The following BFSP2 variants were observed in gnomAD, a reference collection of about 807,000 sequenced individuals.
The protein encoded by BFSP2 is phakinin.
A neutral mutation model predicts 44.9 loss-of-function variants in BFSP2; 38 were observed. That is an observed-to-expected ratio of 0.85 (90% CI 0.65 to 1.11). BFSP2 has a LOEUF of 1.11. Among genes scored for constraint, BFSP2 ranks in the 50% least tolerant of loss-of-function variants. The pLI is 0.00. For missense variants in BFSP2, 525 were observed against 533.0 expected, an observed-to-expected ratio of 0.99 and a Z score of 0.15; for synonymous variants, 197 against 209.9, an observed-to-expected ratio of 0.94 and a Z score of 0.53.
At chr3:133,455,950 C>G (rs2074009326) in intron 4 of BFSP2, among the ~76,000 whole-genome samples, 1 of 152,240 alleles carries the variant, frequency 6.6e-6, no homozygotes, top group Admixed American at 6.5e-5. Flanking sequence ...CATTCAATTT[C>G]CATTTGCCCA....
At chr3:133,425,307 G>A (rs917321944) in intron 1 of BFSP2, among the ~76,000 whole-genome samples, 2 of 152,182 alleles carry the variant, frequency 1.3e-5, no homozygotes, top group African/African-American at 4.8e-5. Context: ...CCACACACTG[G>A]TCCATCCCTG....
rs1245537332 is a variant in BFSP2 at position 133,425,852 on chromosome 3, AGGAAG to A, written c.490-21450_490-21446del. Among the ~76,000 whole-genome samples, 10 of 95,654 alleles carry A rather than the reference AGGAAG, an allele frequency of 1.0e-4. No homozygotes were observed. The South Asian group carries it at 1.3e-3, about 13-fold the overall frequency. The allele number at this position is 95,654 out of a possible 152,430, so 62.8% of individuals were successfully genotyped here. ...AAGGGAAGGGAAATAAAGAAGGGAA[AGGAAG>A]GGAAGGGAAGGGAAATAAAGAAGGG... is the stretch of plus-strand genomic sequence containing the variant. On this transcript the variant is annotated intron_variant, in intron 1 of 6. Transcript: ENST00000302334.
At chr3:133,474,425 G>A (rs1053033108) in intron 6 of BFSP2, among the ~76,000 whole-genome samples, 1 of 152,206 alleles carries the variant, frequency 6.6e-6, no homozygotes, top group Non-Finnish European at 1.5e-5. Context: ...TTCAGAAGGC[G>A]GGAGAGCCTC....
chr3:133,414,741 T>C (rs114051217), intron 1 of BFSP2, among the ~76,000 whole-genome samples: 712 of 2,628 alleles, frequency 0.27, 19 homozygotes, highest in Middle Eastern at 0.33. Flanking sequence ...CCCCTGCCAT[T>C]TCCCCTCTAC....
At chr3:133,465,887 T>G (rs73861104) in intron 4 of BFSP2, among the ~76,000 whole-genome samples, 1 of 152,306 alleles carries the variant, frequency 6.6e-6, no homozygotes, top group South Asian at 2.1e-4. Context: ...AAATAAGGGA[T>G]CAAAGCTTTT....
rs143424215 is a variant in BFSP2, at chr3:133,463,869, C to G, written c.892-2959C>G. ...GGTGCCTCTCCCGCCCTGTTCATGT[C>G]TGACTGGCTACCTATTAGCTACCTC... On this transcript the variant is annotated intron_variant, in intron 4 of 6. Coordinates refer to ENST00000302334, the MANE Select transcript of BFSP2 (RefSeq NM_003571.4). Among the ~76,000 whole-genome samples the G allele has an allele frequency of 3.7e-4, 56 of 152,326 alleles. 1 individual carries two copies. In the East Asian group the frequency reaches 0.01, roughly 28 times the overall value.
intron 1 of BFSP2, chr3:133,445,448 G>A (rs1348031163): frequency 2.0e-5 from 3 of 152,330 alleles, no homozygotes; most frequent in African/African-American, 7.2e-5. Flanking sequence ...GAGCTGAAAA[G>A]TGCATTTCTC....
chr3:133,442,141 G>A (rs1311873624), intron 1 of BFSP2, among the ~76,000 whole-genome samples: 2 of 151,888 alleles, frequency 1.3e-5, no homozygotes, highest in Non-Finnish European at 2.9e-5. Flanking sequence ...TTTGTGTGTT[G>A]TTTTTGTTCT....
chr3:133,439,582 G>C (rs1246002028), intron 1 of BFSP2, among the ~76,000 whole-genome samples: 3 of 152,256 alleles, frequency 2.0e-5, no homozygotes, highest in Admixed American at 6.5e-5. Flanking sequence ...GGGTTTGAAG[G>C]ATGGATAGGA....
At chr3:133,440,509 G>T (rs1469266365) in intron 1 of BFSP2, among the ~76,000 whole-genome samples, 1 of 151,920 alleles carries the variant, frequency 6.6e-6, no homozygotes, top group Admixed American at 6.6e-5. Flanking sequence ...TAAATGGTAG[G>T]GTTTAAACCC....
intron 1 of BFSP2, among the ~76,000 whole-genome samples, chr3:133,445,907 A>C (rs1421558255): frequency 6.6e-6 from 1 of 152,184 alleles, no homozygotes; most frequent in Non-Finnish European, 1.5e-5. Context: ...TTACCTTAAA[A>C]GAAGGATATA....
chr3:133,411,953 T>G (rs755991942), intron 1 of BFSP2, among the ~76,000 whole-genome samples: 1 of 152,192 alleles, frequency 6.6e-6, no homozygotes, highest in Non-Finnish European at 1.5e-5. Context: ...TTAAAAAATA[T>G]ATTAGACACG....
intron 1 of BFSP2, among the ~76,000 whole-genome samples, chr3:133,436,385 T>G (rs963707200): frequency 1.3e-5 from 2 of 151,200 alleles, no homozygotes; most frequent in African/African-American, 4.9e-5. Context: ...TTTTTTTCCA[T>G]GAATTTATTG....
At chr3:133,459,489 T>G (rs2074042722) in intron 4 of BFSP2, among the ~76,000 whole-genome samples, 1 of 152,216 alleles carries the variant, frequency 6.6e-6, no homozygotes, top group Non-Finnish European at 1.5e-5. Context: ...TGTGTTTTGT[T>G]TGGCAGCTCC....
chr3:133,403,785 T>C (rs618971), intron 1 of BFSP2, among the ~76,000 whole-genome samples: 147,898 of 152,202 alleles, frequency 0.97, 71,896 homozygotes, highest in East Asian at 0.99. Flanking sequence ...GGAGTGGGGG[T>C]CCCCTGTCCC....
At chr3:133,459,814 T>A (rs2074045708) in intron 4 of BFSP2, among the ~76,000 whole-genome samples, 1 of 152,248 alleles carries the variant, frequency 6.6e-6, no homozygotes, top group Non-Finnish European at 1.5e-5. Context: ...GTAAAATGAC[T>A]TACAACTGTT....
intron 1 of BFSP2, chr3:133,410,178 T>C (rs568027557): frequency 5.2e-5 from 10 of 191,318 alleles, no homozygotes; most frequent in Non-Finnish European, 1.1e-4. Context: ...CCAAGGCTTA[T>C]TGCAGTTTCC....
rs142182041 is a variant in BFSP2, at chr3:133,411,515, C to T, written c.489+10943C>T. Among the ~76,000 whole-genome samples, 976 of 152,220 alleles carry T rather than the reference C, an allele frequency of 6.4e-3. 6 individuals carry two copies. Among genetic ancestry groups the T allele is most frequent in the Middle Eastern group, 0.01 (3 of 294 alleles). On this transcript the variant is annotated intron_variant, in intron 1 of 6. Transcript: ENST00000302334. ...TCTCCTGGTGGAGTACACATCACCA[C>T]CTATGAAGTAGTCTTGCAAACAAAC... is the stretch of plus-strand genomic sequence containing the variant.
At chr3:133,426,298 G>A (rs75639413) in intron 1 of BFSP2, among the ~76,000 whole-genome samples, 13 of 151,998 alleles carry the variant, frequency 8.6e-5, no homozygotes, top group South Asian at 4.2e-4. Flanking sequence ...CCCTGCTGAC[G>A]TGCCTGTCAA....
Sources: gnomAD v4.1 joint callset for allele counts (sites outside exome capture counted in the v4.1 genomes callset) on GRCh38, gnomAD v4.1.1 for gene constraint, MANE v1.5 for transcripts, NCBI Gene and HGNC (gene_info 2026-07-23, HGNC 2026-07-21) for gene names.